MINDY4: variants seen among roughly 807,000 people sequenced by gnomAD.
The protein encoded by MINDY4 is probable ubiquitin carboxyl-terminal hydrolase MINDY-4.
Under a neutral mutation model 87.0 loss-of-function variants are expected in MINDY4, and 68 were observed. That is an observed-to-expected ratio of 0.78 (90% confidence interval 0.64 to 0.96). The LOEUF is 0.96. MINDY4 is among the 40% of genes least tolerant of loss of function. The pLI is 0.00. For synonymous variants in MINDY4, 379 were observed against 363.2 expected, an observed-to-expected ratio of 1.04 and a Z score of -0.50; for missense variants, 919 against 928.2, an observed-to-expected ratio of 0.99 and a Z score of 0.13.
At chr7:30,793,044 G>A (rs372183801) in intron 5 of MINDY4, among the ~76,000 whole-genome samples, 3 of 145,986 alleles carry the variant, frequency 2.1e-5, no homozygotes, top group Non-Finnish European at 4.5e-5. Context: ...AATTCCCATC[G>A]TGGTTTCTTT....
chr7:30,851,614 G>A (rs1789415092), intron 10 of MINDY4, among the ~76,000 whole-genome samples: 1 of 152,150 alleles, frequency 6.6e-6, no homozygotes, highest in African/African-American at 2.4e-5. Flanking sequence ...ATTAACCCCG[G>A]CCCTTAGGAT....
intron 5 of MINDY4, among the ~76,000 whole-genome samples, chr7:30,824,903 A>C (rs563560573): frequency 3.9e-5 from 6 of 152,244 alleles, no homozygotes; most frequent in Non-Finnish European, 5.9e-5. Flanking sequence ...CACCAAGCCA[A>C]GGATTCAGTT....
chr7:30,850,310 T>C, intron 9 of MINDY4, 144 bp from the exon 10 acceptor site: 2 of 723,278 alleles, frequency 2.8e-6, no homozygotes, highest in Non-Finnish European at 4.6e-6. Context: ...GCCTTGGGGC[T>C]CCTGGGCTGC....
At chr7:30,800,953 A>G (rs923257188) in intron 5 of MINDY4, among the ~76,000 whole-genome samples, 1 of 152,230 alleles carries the variant, frequency 6.6e-6, no homozygotes, top group Non-Finnish European at 1.5e-5. Context: ...CCCTTGTTGC[A>G]TAATTTAATT....
chr7:30,772,754 C>T (rs534712868), intron 1 of MINDY4, among the ~76,000 whole-genome samples: 1 of 152,314 alleles, frequency 6.6e-6, no homozygotes, highest in South Asian at 2.1e-4. Flanking sequence ...CCTGCCATCA[C>T]CTGTCCTGGC....
intron 15 of MINDY4, among the ~76,000 whole-genome samples, chr7:30,880,300 G>GC (rs1357350063): frequency 1.5e-3 from 77 of 50,746 alleles, no homozygotes; most frequent in African/African-American, 3.0e-3. Flanking sequence ...GCCCTCCCCC[G>GC]CACCCCCCCC....
intron 17 of MINDY4, among the ~76,000 whole-genome samples, chr7:30,890,921 C>T (rs1349062092): frequency 6.6e-6 from 1 of 152,080 alleles, no homozygotes; most frequent in African/African-American, 2.4e-5. Flanking sequence ...GTTCCAATGT[C>T]AGGAATCCTC....
intron 13 of MINDY4, among the ~76,000 whole-genome samples, chr7:30,862,386 C>T (rs904890415): frequency 1.3e-5 from 2 of 152,246 alleles, no homozygotes; most frequent in Admixed American, 1.3e-4. Context: ...GTGAATAAGC[C>T]ATTCTCTGGC....
At chr7:30,863,601 G>A (rs1584331650) in intron 13 of MINDY4, among the ~76,000 whole-genome samples, 1 of 152,164 alleles carries the variant, frequency 6.6e-6, no homozygotes, top group East Asian at 1.9e-4. Context: ...AGTGCCTCCT[G>A]TCTGTTGGCC....
intron 9 of MINDY4, among the ~76,000 whole-genome samples, chr7:30,844,256 G>C (rs893235719): frequency 1.3e-5 from 2 of 152,184 alleles, no homozygotes; most frequent in Admixed American, 6.5e-5. Context: ...GGGAGGAGTG[G>C]AGAGCCTGGC....
At chr7:30,781,673 A>C (rs558495925) in intron 2 of MINDY4, 1 of 287,888 alleles carries the variant, frequency 3.5e-6, no homozygotes, top group Admixed American at 4.8e-5. Flanking sequence ...GCAAAAAATG[A>C]AGAGGAAATT....
rs543761742 is a variant in MINDY4, at chr7:30,880,306, C to A, written c.1972-1875C>A. On this transcript the variant is annotated intron_variant, in intron 15 of 17. Coordinates refer to ENST00000265299, the MANE Select transcript of MINDY4 (RefSeq NM_032222.3). The stretch of plus-strand genomic sequence containing the variant: ...GGAAATGTGGCCCTCCCCCGCACCC[C>A]CCCCCACCCCCGACTGCGGCCTTGC... Among the ~76,000 whole-genome samples, 24 of 144,798 alleles carry A rather than the reference C, an allele frequency of 1.7e-4. No individual in the cohort carries two copies. In the South Asian group the frequency reaches 6.0e-3, roughly 36 times the overall value. 95.0% of individuals were successfully genotyped at this position (144,798 alleles called of 152,430 possible). A position where few individuals can be genotyped will look rare whatever the true frequency, so the allele number is the denominator to read the frequency against.
At chr7:30,856,633 A>G (rs1789580185) in intron 12 of MINDY4, among the ~76,000 whole-genome samples, 1 of 152,132 alleles carries the variant, frequency 6.6e-6, no homozygotes, top group African/African-American at 2.4e-5. Context: ...CAGCTGCCCC[A>G]GGACTGCATG....
rs1362566749 is a variant in MINDY4 at position 30,888,380 on chromosome 7, G to A, written c.2226-3577G>A. On this transcript the variant is annotated intron_variant, in intron 17 of 17. Coordinates refer to ENST00000265299, the MANE Select transcript of MINDY4 (RefSeq NM_032222.3). ...CTAAACATTTCATAATGCACACCACGGTCTCCACAACAAAGAATTACCCAG... is the reference window on the plus strand; with the variant it reads ...CTAAACATTTCATAATGCACACCACAGTCTCCACAACAAAGAATTACCCAG... Among the ~76,000 whole-genome samples, 5 of 152,232 alleles carry A rather than the reference G, an allele frequency of 3.3e-5. No individual in the cohort carries two copies. The East Asian group carries it at 9.7e-4, about 29-fold the overall frequency.
In MINDY4 at chr7:30,892,191, G is replaced by T; in HGVS notation, c.*186G>T. ...CACCCAAGACTGTGCTGGGGACCCA[G>T]TGTGTTGCTGGGTCCCCTCCCAGCT... On this transcript the variant is annotated 3_prime_UTR_variant, in exon 18 of 18. Transcript: ENST00000265299. 1 of 612,506 alleles carries T rather than the reference G, an allele frequency of 1.6e-6. No homozygotes were observed. Among genetic ancestry groups the T allele is most frequent in the Non-Finnish European group, 2.9e-6 (1 of 348,250 alleles). The allele number at this position is 612,506 out of a possible 1,614,324, so 37.9% of individuals were successfully genotyped here.
chr7:30,866,495 C>T (rs535870442), intron 13 of MINDY4, among the ~76,000 whole-genome samples: 27 of 152,260 alleles, frequency 1.8e-4, no homozygotes, highest in Non-Finnish European at 2.5e-4. Flanking sequence ...TGTGCACCTG[C>T]GGGGTCTGGA....
At chr7:30,859,519 G>A (rs546565974) in intron 13 of MINDY4, among the ~76,000 whole-genome samples, 195 bp downstream of exon 13, 7 of 152,324 alleles carry the variant, frequency 4.6e-5, no homozygotes, top group Middle Eastern at 6.8e-3. Context: ...ACATATACAC[G>A]TGTCCAGGGC....
intron 15 of MINDY4, 83 bp from the exon 16 acceptor site, chr7:30,882,098 G>A: frequency 7.3e-7 from 1 of 1,362,704 alleles, no homozygotes; most frequent in East Asian, 2.3e-5. Context: ...TCTGAGGTCA[G>A]CCCTGCCTTG....
At chr7:30,875,750 T>C in intron 15 of MINDY4, 94 bp downstream of exon 15, 2 of 1,385,744 alleles carry the variant, frequency 1.4e-6, no homozygotes, top group Non-Finnish European at 2.0e-6. Flanking sequence ...ACTCCACTTC[T>C]CAGAGCTGGC....
Sources: gnomAD v4.1 joint callset for allele counts (sites outside exome capture counted in the v4.1 genomes callset) on GRCh38, gnomAD v4.1.1 for gene constraint, MANE v1.5 for transcripts, NCBI Gene and HGNC (gene_info 2026-07-23, HGNC 2026-07-21) for gene names.